Variants in CHN2 observed in about 807,000 individuals in gnomAD.
CHN2 encodes the protein beta-chimaerin.
Under a neutral mutation model 56.3 loss-of-function variants are expected in CHN2, and 35 were observed. That is an observed-to-expected ratio of 0.62 (90% CI 0.47 to 0.82). The LOEUF is 0.82. Among genes scored for constraint, CHN2 ranks in the 40% least tolerant of loss-of-function variants. The pLI, the probability that CHN2 is intolerant of heterozygous loss-of-function variation, is 0.00. For missense variants in CHN2, 491 were observed against 580.5 expected (o/e 0.85, Z 1.58); for synonymous variants, 210 against 212.8 (o/e 0.99, Z 0.12).
chr7:29,458,645 A>G (rs1784941185), intron 6 of CHN2, among the ~76,000 whole-genome samples: 1 of 152,172 alleles, frequency 6.6e-6, no homozygotes, highest in Admixed American at 6.5e-5. Context: ...GAGGGCCCAA[A>G]TATATCAGAT....
intron 6 of CHN2, among the ~76,000 whole-genome samples, chr7:29,439,583 C>T (rs910369155): frequency 8.5e-5 from 13 of 152,192 alleles, no homozygotes; most frequent in African/African-American, 3.1e-4. Context: ...TCCACATCCC[C>T]CATATGACCC....
chr7:29,384,297 G>A lies in CHN2; in HGVS notation c.145-9382G>A, dbSNP rs190491654. Reference sequence around the variant, plus strand: ...TCCTTGAGCAATTTCCCTTCCTTTTGGTGTAGGAAAAGATTATGGGCTTTG... The same window carrying A: ...TCCTTGAGCAATTTCCCTTCCTTTTAGTGTAGGAAAAGATTATGGGCTTTG... On this transcript the variant is annotated intron_variant, in intron 3 of 12. Transcript: ENST00000222792. Among the ~76,000 whole-genome samples, 260 of 152,228 alleles carry A rather than the reference G, an allele frequency of 1.7e-3. 2 individuals are homozygous for A. The highest frequency in any genetic ancestry group is 0.017 in the Middle Eastern group (5 of 294).
intron 1 of CHN2, among the ~76,000 whole-genome samples, chr7:29,195,666 G>A (rs1297757906): frequency 6.6e-6 from 1 of 151,744 alleles, no homozygotes; most frequent in East Asian, 1.9e-4. Context: ...GAGAGAGAGA[G>A]AGACTCCTTA....
intron 1 of CHN2, among the ~76,000 whole-genome samples, chr7:29,256,974 A>G (rs1308056541): frequency 6.6e-6 from 1 of 152,176 alleles, no homozygotes; most frequent in Non-Finnish European, 1.5e-5. Flanking sequence ...TCTGGGTAGC[A>G]TGAGTTTTCT....
At chr7:29,280,737 C>T (rs992438437) in intron 1 of CHN2, among the ~76,000 whole-genome samples, 2 of 152,174 alleles carry the variant, frequency 1.3e-5, no homozygotes, top group African/African-American at 4.8e-5. Flanking sequence ...ATGTGCAAGT[C>T]GCCTACCTTC....
intron 1 of CHN2, among the ~76,000 whole-genome samples, chr7:29,353,192 G>A (rs1260071340): frequency 6.6e-6 from 1 of 152,186 alleles, no homozygotes; most frequent in Non-Finnish European, 1.5e-5. Context: ...GATACAGTGG[G>A]CCCCAGAGAG....
chr7:29,216,079 T>G (rs1239985938), intron 1 of CHN2, among the ~76,000 whole-genome samples: 1 of 152,196 alleles, frequency 6.6e-6, no homozygotes, highest in East Asian at 1.9e-4. Context: ...AGGCTGGAAC[T>G]TCTTTGTTTT....
At chr7:29,195,264 A>G (rs1483606451) in intron 1 of CHN2, 1 of 398,266 alleles carries the variant, frequency 2.5e-6, no homozygotes, top group Non-Finnish European at 4.4e-6. Context: ...AGCGAGCGAA[A>G]AGCGAAAGGA....
intron 6 of CHN2, among the ~76,000 whole-genome samples, chr7:29,415,524 A>G (rs1449385783): frequency 6.6e-6 from 1 of 152,246 alleles, no homozygotes; most frequent in Non-Finnish European, 1.5e-5. Context: ...AAAACAGGCC[A>G]TGCCTGGCAG....
chr7:29,239,387 A>G (rs1465721303), intron 1 of CHN2, among the ~76,000 whole-genome samples: 1 of 152,196 alleles, frequency 6.6e-6, no homozygotes, highest in Non-Finnish European at 1.5e-5. Flanking sequence ...GAAATCATCT[A>G]TAGTTCCACT....
chr7:29,426,206 CAAAAAAAAAAA>C (rs10630481), intron 6 of CHN2, among the ~76,000 whole-genome samples: 1 of 83,900 alleles, frequency 1.2e-5, no homozygotes, highest in Admixed American at 1.7e-4. Flanking sequence ...GACTCTGTCT[CAAAAAAAAAAA>C]AAAAAAAAAA....
chr7:29,348,175 A>T (rs996878467), intron 1 of CHN2, among the ~76,000 whole-genome samples: 4 of 152,184 alleles, frequency 2.6e-5, no homozygotes, highest in African/African-American at 9.7e-5. Flanking sequence ...CCTATTCCCT[A>T]TTGCCCCGAT....
rs181623534 is a variant in CHN2 at position 29,249,783 on chromosome 7, T to C, written c.49+54793T>C. ...AATAAATTGTCAAAAAAGACAGATATTACATTTACTTTTGTGATAGTTTAC... is the reference window on the plus strand; with the variant it reads ...AATAAATTGTCAAAAAAGACAGATACTACATTTACTTTTGTGATAGTTTAC... On this transcript the variant is annotated intron_variant, in intron 1 of 12. Coordinates refer to ENST00000222792, the MANE Select transcript of CHN2 (RefSeq NM_004067.4). Among the ~76,000 whole-genome samples the C allele has an allele frequency of 2.7e-3, 410 of 152,338 alleles. 1 individual carries two copies. Among genetic ancestry groups the C allele is most frequent in the Non-Finnish European group, 4.4e-3 (297 of 68,028 alleles).
At chr7:29,146,638 C>G in exon 1 of CHN2, 3 of 1,550,516 alleles carry the variant, frequency 1.9e-6, no homozygotes, top group South Asian at 1.2e-5. Flanking sequence ...CCTCCTGGTC[C>G]CAGAAACCTG....
intron 1 of CHN2, among the ~76,000 whole-genome samples, chr7:29,204,077 G>C (rs868105343): frequency 1.4e-3 from 190 of 136,006 alleles, no homozygotes; most frequent in East Asian, 8.1e-3. Context: ...CTGTGTGTGT[G>C]TGTGTGTGTG....
At chr7:29,263,959 C>A (rs1250498383) in intron 1 of CHN2, among the ~76,000 whole-genome samples, 7 of 150,736 alleles carry the variant, frequency 4.6e-5, no homozygotes, top group Non-Finnish European at 1.0e-4. Flanking sequence ...CCAGCCGCCC[C>A]GTCTGGGAGG....
intron 6 of CHN2, among the ~76,000 whole-genome samples, chr7:29,468,684 G>C (rs149407682): frequency 2.0e-4 from 30 of 152,068 alleles, no homozygotes; most frequent in Non-Finnish European, 4.1e-4. Context: ...TAAAACACGT[G>C]CAATCAGATT....
chr7:29,341,081 C>A (rs1797021851), intron 1 of CHN2, among the ~76,000 whole-genome samples: 1 of 152,186 alleles, frequency 6.6e-6, no homozygotes, highest in South Asian at 2.1e-4. Flanking sequence ...GAGGGAGTAG[C>A]CCCAAATCAC....
chr7:29,265,838 A>G (rs997624158), intron 1 of CHN2, among the ~76,000 whole-genome samples: 2 of 152,260 alleles, frequency 1.3e-5, no homozygotes, highest in Non-Finnish European at 2.9e-5. Context: ...CAACAAGGAA[A>G]AGGCCCATGA....
Sources: allele counts gnomAD v4.1 joint callset (sites outside exome capture counted in the v4.1 genomes callset), GRCh38; gene constraint gnomAD v4.1.1; transcripts MANE v1.5; gene names NCBI Gene and HGNC (gene_info 2026-07-23, HGNC 2026-07-21).